The following NFATC3 variants were observed in gnomAD, a reference collection of about 807,000 sequenced individuals.
NFATC3 encodes nuclear factor of activated T-cells, cytoplasmic 3.
Under a neutral mutation model 98.6 loss-of-function variants are expected in NFATC3, and 46 were observed. The ratio of observed to expected loss-of-function variants is 0.47; its 90% CI spans 0.37 to 0.60. NFATC3 has a LOEUF of 0.60. NFATC3 is among the 20% of genes least tolerant of loss of function. The probability of loss-of-function intolerance (pLI) is 0.00; values close to 1 mark genes in which losing one functional copy is unlikely to be tolerated. For missense variants in NFATC3, 1,256 were observed against 1,295.5 expected (o/e 0.97, Z 0.47); for synonymous variants, 512 against 472.2 (o/e 1.08, Z -1.09).
chr16:68,139,831 A>G (rs1024778467), intron 3 of NFATC3, among the ~76,000 whole-genome samples: 2 of 152,332 alleles, frequency 1.3e-5, no homozygotes, highest in African/African-American at 2.4e-5. Context: ...TTTATTGTCC[A>G]TTGAGACTTG....
At position 68,120,152 on chromosome 16, in the gene NFATC3, G is replaced by A. The variant is rs114000050; in HGVS notation, c.104-1835G>A. Among the ~76,000 whole-genome samples the A allele has an allele frequency of 7.9e-3, 1,192 of 151,134 alleles. 14 individuals carry two copies. The highest frequency in any genetic ancestry group is 0.027 in the African/African-American group (1,114 of 41,104). ...AAAAAATTGCTGGGAGTGGTGGCAT[G>A]CACCTGTGGTCTCGGCTACTTGAAA... On this transcript the variant is annotated intron_variant, in intron 1 of 9. Transcript: ENST00000346183.
At chr16:68,218,847 C>T (rs2041742968) in intron 9 of NFATC3, among the ~76,000 whole-genome samples, 1 of 151,216 alleles carries the variant, frequency 6.6e-6, no homozygotes, top group Admixed American at 6.6e-5. Context: ...GCTGAGATTA[C>T]AGGCGTGAGC....
chr16:68,116,022 T>C (rs1439610358), intron 1 of NFATC3, among the ~76,000 whole-genome samples: 1 of 152,090 alleles, frequency 6.6e-6, no homozygotes, highest in East Asian at 1.9e-4. Context: ...CAAGCAGCAA[T>C]GTGAAGGAAT....
chr16:68,207,258 C>T (rs1840024466), intron 9 of NFATC3, among the ~76,000 whole-genome samples: 2 of 150,914 alleles, frequency 1.3e-5, no homozygotes, highest in African/African-American at 4.9e-5. Flanking sequence ...TGCAGTGAGC[C>T]GAGACCATGC....
intron 9 of NFATC3, among the ~76,000 whole-genome samples, chr16:68,210,468 C>T (rs961376091): frequency 1.3e-5 from 2 of 151,868 alleles, no homozygotes; most frequent in African/African-American, 4.8e-5. Context: ...GACACCTTGT[C>T]TCAAAAAAAA....
At chr16:68,127,479 G>T (rs1358174303) in intron 3 of NFATC3, among the ~76,000 whole-genome samples, 1 of 152,002 alleles carries the variant, frequency 6.6e-6, no homozygotes, top group Non-Finnish European at 1.5e-5. Flanking sequence ...TTGAGCCCAG[G>T]AATTTGAAGC....
rs369910448 is a variant in NFATC3, at chr16:68,122,537, C to T, written c.654C>T (p.Gly218=). 85 of 1,614,048 alleles carry T rather than the reference C, an allele frequency of 5.3e-5. 1 individual carries two copies. The South Asian group carries it at 9.0e-4, about 17-fold the overall frequency. Residue 218 remains glycine (G), a synonymous_variant, in exon 2 of 10, where the codon GGC becomes GGT. Transcript: ENST00000346183. ...CTTCTCCTGGTGGCTCTCCAGGGGG[C>T]TGCCCTGGAGAAGAAACTTGGCATC... ...PLTSPGGSPG[G]CPGEETWHQQ...
intron 1 of NFATC3, among the ~76,000 whole-genome samples, chr16:68,088,111 T>C (rs1298558823): frequency 6.6e-6 from 1 of 151,994 alleles, no homozygotes; most frequent in Non-Finnish European, 1.5e-5. Flanking sequence ...GAAATGATTT[T>C]AGGATAATAT....
At chr16:68,192,332 T>TATAGAGAGAG (rs1249886948) in intron 9 of NFATC3, 2 of 134,492 alleles carry the variant, frequency 1.5e-5, no homozygotes, top group Admixed American at 7.6e-5. Context: ...TATATATATA[T>TATAGAGAGAG]AGAGAGAGAG....
At chr16:68,217,464 C>CAAAAA (rs68079157) in intron 9 of NFATC3, among the ~76,000 whole-genome samples, 5 of 44,956 alleles carry the variant, frequency 1.1e-4, no homozygotes, top group South Asian at 9.1e-4. Flanking sequence ...GTCTCTGTCT[C>CAAAAA]AAAAAAAAAA....
intron 4 of NFATC3, among the ~76,000 whole-genome samples, chr16:68,163,552 C>T (rs1190427619): frequency 6.6e-6 from 1 of 151,830 alleles, no homozygotes; most frequent in Non-Finnish European, 1.5e-5. Flanking sequence ...CTGACCCCCA[C>T]CTCCCTCCTG....
intron 1 of NFATC3, among the ~76,000 whole-genome samples, chr16:68,116,180 T>G (rs2036268554): frequency 1.3e-5 from 2 of 152,122 alleles, no homozygotes; most frequent in East Asian, 1.9e-4. Flanking sequence ...AACTTTTTTT[T>G]GTCATGACAC....
chr16:68,211,558 T>C (rs530735818), intron 9 of NFATC3, among the ~76,000 whole-genome samples: 36 of 149,390 alleles, frequency 2.4e-4, no homozygotes, highest in African/African-American at 8.1e-4. Flanking sequence ...AGTCTCACCC[T>C]GTTGCCCAGT....
At chr16:68,093,993 A>C (rs1172812769) in intron 1 of NFATC3, among the ~76,000 whole-genome samples, 1 of 152,184 alleles carries the variant, frequency 6.6e-6, no homozygotes, top group African/African-American at 2.4e-5. Context: ...TAGCTACTTG[A>C]GGGATGCTTC....
chr16:68,096,274 C>A (rs1409118611), intron 1 of NFATC3, among the ~76,000 whole-genome samples: 1 of 152,188 alleles, frequency 6.6e-6, no homozygotes, highest in Non-Finnish European at 1.5e-5. Flanking sequence ...GCTAAAAATT[C>A]TTTTTAAAGT....
chr16:68,198,617 T>A (rs1230353113), intron 9 of NFATC3, among the ~76,000 whole-genome samples: 1 of 152,048 alleles, frequency 6.6e-6, no homozygotes, highest in African/African-American at 2.4e-5. Context: ...ATCTTAAGAT[T>A]ATAGATTCTG....
intron 1 of NFATC3, 25 bp downstream of exon 1, chr16:68,085,809 G>T: frequency 7.1e-7 from 1 of 1,404,594 alleles, no homozygotes; most frequent in Non-Finnish European, 9.2e-7. Context: ...AGGCGGGACC[G>T]TGGAGCGACC....
chr16:68,217,377 GCCAAGATCACGCCACTGCACTCCAGCTT>G (rs537062100), intron 9 of NFATC3, among the ~76,000 whole-genome samples: 7 of 145,650 alleles, frequency 4.8e-5, no homozygotes, highest in Middle Eastern at 3.8e-3. Flanking sequence ...GTTGCAGTGA[GCCAAGATCACGCCACTGCACTCCAGCTT>G]TCAAGATCAT....
In NFATC3 at chr16:68,227,954, T is replaced by A. The variant is rs1430628672; in HGVS notation, c.*1483T>A. The A allele has an allele frequency of 6.6e-6, 1 of 152,184 alleles. No individual in the cohort carries two copies. Among genetic ancestry groups the A allele is most frequent in the East Asian group, 1.9e-4 (1 of 5,190 alleles). 9.4% of individuals were successfully genotyped at this position (152,184 alleles called of 1,614,324 possible). A position where few individuals can be genotyped will look rare whatever the true frequency, so the allele number is the denominator to read the frequency against. On this transcript the variant is annotated 3_prime_UTR_variant, in exon 10 of 10. Coordinates refer to ENST00000346183, the MANE Select transcript of NFATC3 (RefSeq NM_173165.3). The stretch of plus-strand genomic sequence containing the variant: ...GAAGCAGATTTTTTGAGTGCCTATA[T>A]GTGAGACAGTGTGCTGGTTGAAGGC...
Sources: gnomAD v4.1 joint callset for allele counts (sites outside exome capture counted in the v4.1 genomes callset) on GRCh38, gnomAD v4.1.1 for gene constraint, MANE v1.5 for transcripts, NCBI Gene and HGNC (gene_info 2026-07-23, HGNC 2026-07-21) for gene names.